Variants in NIPAL1 observed in about 807,000 individuals in gnomAD.
NIPAL1 encodes NIPA like domain containing 1.
Under a neutral mutation model 37.7 loss-of-function variants are expected in NIPAL1, and 35 were observed. The observed-to-expected ratio is 0.93, with a 90% CI of 0.71 to 1.23. NIPAL1 has a LOEUF of 1.23. Among genes scored for constraint, NIPAL1 ranks in the 50% most tolerant of loss-of-function variants. The pLI is 0.00. For synonymous variants in NIPAL1, 162 were observed against 183.0 expected (o/e 0.89, Z 0.93); for missense variants, 412 against 473.9 (o/e 0.87, Z 1.21).
chr4:48,032,077 T>C (rs1322628293), intron 3 of NIPAL1, among the ~76,000 whole-genome samples: 1 of 152,200 alleles, frequency 6.6e-6, no homozygotes, highest in Non-Finnish European at 1.5e-5. Flanking sequence ...GTCTTAATTA[T>C]TCTGTTCTGT....
At chr4:48,024,969 C>A in intron 1 of NIPAL1, 99 bp from the exon 2 acceptor site, 1 of 1,022,854 alleles carries the variant, frequency 9.8e-7, no homozygotes, top group Non-Finnish European at 1.5e-6. Flanking sequence ...TAAAATGTTT[C>A]AGTACCATCC....
intron 2 of NIPAL1, among the ~76,000 whole-genome samples, 172 bp downstream of exon 2, chr4:48,025,506 C>T (rs1489374371): frequency 2.0e-5 from 3 of 152,132 alleles, no homozygotes; most frequent in Non-Finnish European, 4.4e-5. Context: ...ATAGAAAACT[C>T]ATGGTTAATG....
chr4:48,016,983 G>A (rs1715430896), intron 1 of NIPAL1, 98 bp downstream of exon 1: 2 of 991,868 alleles, frequency 2.0e-6, no homozygotes, highest in South Asian at 3.0e-5. Flanking sequence ...AAGGGGGGCT[G>A]TACCGACTCT....
At chr4:48,018,821 A>C (rs529122421) in intron 1 of NIPAL1, among the ~76,000 whole-genome samples, 1 of 152,276 alleles carries the variant, frequency 6.6e-6, no homozygotes, top group African/African-American at 2.4e-5. Flanking sequence ...CAAGAAACAA[A>C]GTAATTTAAA....
rs933916585 is a variant in NIPAL1, at chr4:48,017,011, C to T, written c.46+126C>T. 1.1e-5 allele frequency: 8 copies of T among 738,198 alleles called. No homozygotes were observed. The Admixed American group carries it at 1.2e-4, about 11-fold the overall frequency. The allele number at this position is 738,198 out of a possible 1,614,324, so 45.7% of individuals were successfully genotyped here. A position where few individuals can be genotyped will look rare whatever the true frequency, so the allele number is the denominator to read the frequency against. ...CCGACTCTAAACGTAGTCGTTCACT[C>T]ATTCATTCATTCAGTCAGTCGGCCG... is the stretch of plus-strand genomic sequence containing the variant. On this transcript the variant is annotated intron_variant, in intron 1 of 5. Transcript: ENST00000295461.
intron 1 of NIPAL1, among the ~76,000 whole-genome samples, chr4:48,021,159 A>G (rs1312088129): frequency 6.6e-6 from 1 of 152,188 alleles, no homozygotes; most frequent in Admixed American, 6.5e-5. Context: ...CACTTAATAT[A>G]TTGGCATCAG....
intron 5 of NIPAL1, 115 bp from the exon 6 acceptor site, chr4:48,035,447 A>T: frequency 5.4e-6 from 5 of 924,286 alleles, no homozygotes; most frequent in Non-Finnish European, 8.4e-6. Flanking sequence ...TTTTAATTTG[A>T]TCTCACTTCT....
At position 48,038,649 on chromosome 4, in the gene NIPAL1, G is replaced by T. The variant is rs1469757059; in HGVS notation, c.*2477G>T. 1 of 152,156 alleles carries T rather than the reference G, an allele frequency of 6.6e-6. No individual in the cohort carries two copies. Among genetic ancestry groups the T allele is most frequent in the Admixed American group, 6.5e-5 (1 of 15,276 alleles). 9.4% of individuals were successfully genotyped at this position (152,156 alleles called of 1,614,324 possible). Reference sequence around the variant, plus strand: ...GATAAAGTGGCATTTGAAAATTGCAGAAATTTTAATATTTTTTCTTTTAAT... The same window carrying T: ...GATAAAGTGGCATTTGAAAATTGCATAAATTTTAATATTTTTTCTTTTAAT... On this transcript the variant is annotated 3_prime_UTR_variant, in exon 6 of 6. Coordinates refer to ENST00000295461, the MANE Select transcript of NIPAL1 (RefSeq NM_207330.3).
Position 48,038,488 on chromosome 4 carries a change from T to C in NIPAL1, c.*2316T>C, listed in dbSNP as rs1716005318. 6.6e-6 allele frequency: 1 copy of C among 151,890 alleles called. No homozygotes were observed. 9.4% of individuals were successfully genotyped at this position (151,890 alleles called of 1,614,324 possible). On this transcript the variant is annotated 3_prime_UTR_variant, in exon 6 of 6. Coordinates refer to ENST00000295461, the MANE Select transcript of NIPAL1 (RefSeq NM_207330.3). Reference sequence around the variant, plus strand: ...AACTAGACCCCATGTCTCTAAAAAATGTAAAAAACATCAAGAGGCTGAGTC... The same window carrying C: ...AACTAGACCCCATGTCTCTAAAAAACGTAAAAAACATCAAGAGGCTGAGTC...
Position 48,033,029 on chromosome 4 carries a change from C to T in NIPAL1, c.407C>T (p.Ala136Val). 1 of 1,613,944 alleles carries T rather than the reference C, an allele frequency of 6.2e-7. No homozygotes were observed. The highest frequency in any genetic ancestry group is 1.1e-5 in the South Asian group (1 of 91,066). The change falls in exon 4 of 6, where the codon GCT becomes GTT. Residue 136 changes from alanine to valine, a missense_variant. Ala to Val is a moderately conservative substitution (Grantham distance 64). Coordinates refer to ENST00000295461, the MANE Select transcript of NIPAL1 (RefSeq NM_207330.3). ...AGEAANFAAY[A>V]FAPATLVTPL... ...GAGGCTGCAAATTTTGCTGCTTATG[C>T]TTTTGCACCTGCCACCTTGGTCACC...
At chr4:48,024,748 G>C (rs56146801) in intron 1 of NIPAL1, among the ~76,000 whole-genome samples, 1 of 152,166 alleles carries the variant, frequency 6.6e-6, no homozygotes, top group African/African-American at 2.4e-5. Flanking sequence ...ACAGCTATTC[G>C]CTGCTCCATC....
Position 48,036,402 on chromosome 4 carries a change from C to T in NIPAL1, c.*230C>T, listed in dbSNP as rs1715947977. 9 of 474,108 alleles carry T rather than the reference C, an allele frequency of 1.9e-5. No individual in the cohort carries two copies. The South Asian group carries it at 2.4e-4, about 13-fold the overall frequency. 29.4% of individuals were successfully genotyped at this position (474,108 alleles called of 1,614,324 possible). A position where few individuals can be genotyped will look rare whatever the true frequency, so the allele number is the denominator to read the frequency against. ...AATACTCTCTAAGGATCAAAGAAGT[C>T]AAAGAGCTATGTGTGTCTCAGAATA... On this transcript the variant is annotated 3_prime_UTR_variant, in exon 6 of 6. Coordinates refer to ENST00000295461, the MANE Select transcript of NIPAL1 (RefSeq NM_207330.3).
rs1715926863 is a variant in NIPAL1 at position 48,036,020 on chromosome 4, G to C, written c.1081G>C (p.Asp361His). ...CCTTCTACATGCTTTTAAAAATACT[G>C]ACATTACTTGGAGTGAGCTTACATC... ...IFLLHAFKNT[D>H]ITWSELTSTA... The change falls in exon 6 of 6, where the codon GAC becomes CAC. Residue 361 changes from aspartate to histidine, a missense_variant. Asp to His is a moderately conservative substitution (Grantham distance 81). Coordinates refer to ENST00000295461, the MANE Select transcript of NIPAL1 (RefSeq NM_207330.3). The C allele has an allele frequency of 1.2e-6, 2 of 1,613,014 alleles. No homozygotes were observed. Among genetic ancestry groups the C allele is most frequent in the Admixed American group, 3.4e-5 (2 of 59,680 alleles).
rs1044065993 is a variant in NIPAL1, at chr4:48,038,370, G to A, written c.*2198G>A. 4.6e-5 allele frequency: 7 copies of A among 152,148 alleles called. No individual in the cohort carries two copies. The highest frequency in any genetic ancestry group is 6.5e-5 in the Admixed American group (1 of 15,270). 9.4% of individuals were successfully genotyped at this position (152,148 alleles called of 1,614,324 possible). On this transcript the variant is annotated 3_prime_UTR_variant, in exon 6 of 6. Coordinates refer to ENST00000295461, the MANE Select transcript of NIPAL1 (RefSeq NM_207330.3). Reference sequence around the variant, plus strand: ...TTTGTAGTAAAAGTATCTTCTGTCTGGGCAATGGCTCACACCTGTAATTCC... The same window carrying A: ...TTTGTAGTAAAAGTATCTTCTGTCTAGGCAATGGCTCACACCTGTAATTCC...
At chr4:48,026,336 A>G (rs1294154303) in intron 2 of NIPAL1, among the ~76,000 whole-genome samples, 1 of 152,200 alleles carries the variant, frequency 6.6e-6, no homozygotes, top group African/African-American at 2.4e-5. Context: ...CAAGTGTACT[A>G]TAAGATCTAA....
At chr4:48,032,504 G>T (rs2109371428) in intron 3 of NIPAL1, among the ~76,000 whole-genome samples, 1 of 152,262 alleles carries the variant, frequency 6.6e-6, no homozygotes. Context: ...ACAATAGAGG[G>T]ATATCTAACT....
At position 48,027,508 on chromosome 4, in the gene NIPAL1, T is replaced by G. The variant is rs1715719502; in HGVS notation, c.313+2174T>G. ...AACTAGACAATAGTCAGGTCCAGGGTTGTAATATAATTCCAAGTTAGTAAT... is the reference window on the plus strand; with the variant it reads ...AACTAGACAATAGTCAGGTCCAGGGGTGTAATATAATTCCAAGTTAGTAAT... On this transcript the variant is annotated intron_variant, in intron 2 of 5. Coordinates refer to ENST00000295461, the MANE Select transcript of NIPAL1 (RefSeq NM_207330.3). The surrounding 1 kb of genome is among the most constrained non-coding windows in gnomAD (Gnocchi z 4.1). Among the ~76,000 whole-genome samples, 3 of 152,248 alleles carry G rather than the reference T, an allele frequency of 2.0e-5. No individual in the cohort carries two copies. The South Asian group carries it at 6.2e-4, about 32-fold the overall frequency.
chr4:48,023,118 C>T (rs1452489557), intron 1 of NIPAL1, among the ~76,000 whole-genome samples: 2 of 105,180 alleles, frequency 1.9e-5, no homozygotes, highest in African/African-American at 7.5e-5. Flanking sequence ...CTATATTGCC[C>T]AGGCTGGTCT....
In NIPAL1 at chr4:48,025,302, T is replaced by A. The variant is rs758463686; in HGVS notation, c.281T>A (p.Leu94Ter). 1 of 1,614,168 alleles carries A rather than the reference T, an allele frequency of 6.2e-7. No homozygotes were observed. Among genetic ancestry groups the A allele is most frequent in the Non-Finnish European group, 8.5e-7 (1 of 1,180,030 alleles). Residue 94 changes from leucine to a stop codon, truncating the protein, a stop_gained, in exon 2 of 6, where the codon TTG (leucine) becomes TAG (stop). Transcript: ENST00000295461. LOFTEE classifies it high-confidence loss of function. ...TTCATACTGAAAAAGAAGGGCCTCTTGCAACTGGCCAGCAAGGGCTTTACT... is the reference window on the plus strand; with the variant it reads ...TTCATACTGAAAAAGAAGGGCCTCTAGCAACTGGCCAGCAAGGGCTTTACT... ...SSFILKKKGL[L>*]QLASKGFTRA...
Sources: allele counts gnomAD v4.1 joint callset (sites outside exome capture counted in the v4.1 genomes callset), GRCh38; gene constraint gnomAD v4.1.1; non-coding constraint Gnocchi (gnomAD v3.1); transcripts MANE v1.5; gene names NCBI Gene and HGNC (gene_info 2026-07-23, HGNC 2026-07-21).